Variants in BCOR observed in about 807,000 individuals in gnomAD.
BCOR encodes BCL6 corepressor.
Under a neutral mutation model 86.7 loss-of-function variants are expected in BCOR, and 10 were observed. The ratio of observed to expected loss-of-function variants is 0.12; its 90% CI spans 0.07 to 0.20. The LOEUF (loss-of-function observed/expected upper bound fraction) is 0.20. Ranked by LOEUF, BCOR falls within the 10% of genes least tolerant of loss-of-function variation. BCOR has a pLI of 1.00. For missense variants in BCOR, 1,259 were observed against 1,452.1 expected (o/e 0.87, Z 2.16); for synonymous variants, 611 against 609.0 (o/e 1.00, Z -0.05).
upstream of BCOR, among the ~76,000 whole-genome samples, chrX:40,099,918 G>T (rs769667297): frequency 5.3e-5 from 6 of 112,190 alleles, no homozygotes; most frequent in Non-Finnish European, 3.8e-5. Context: ...ACGCTTCCAG[G>T]ACCAGCGCCT....
At chrX:40,114,878 A>T (rs1602234366) in intron 1 of BCOR, among the ~76,000 whole-genome samples, 1 of 64,965 alleles carries the variant, frequency 1.5e-5, no homozygotes, top group African/African-American at 6.4e-5. Flanking sequence ...TTTGAGTTGG[A>T]GTCTCACTGT....
At chrX:40,092,755 A>G (rs1252420384) in intron 1 of BCOR, among the ~76,000 whole-genome samples, 2 of 112,304 alleles carry the variant, frequency 1.8e-5, no homozygotes, top group Non-Finnish European at 3.8e-5. Flanking sequence ...GAAAGAAACT[A>G]TAACCAGAGA....
chrX:40,070,100 C>T (rs1199390750), intron 6 of BCOR, among the ~76,000 whole-genome samples: 4 of 111,092 alleles, frequency 3.6e-5, no homozygotes, highest in Non-Finnish European at 7.5e-5. Context: ...GTCAAACCTC[C>T]GACGGCCCAT....
chrX:40,153,294 A>AGAC (rs1938209936), intron 1 of BCOR, among the ~76,000 whole-genome samples: 1 of 112,707 alleles, frequency 8.9e-6, no homozygotes, highest in South Asian at 3.6e-4. Context: ...GAGGAAGCAA[A>AGAC]GACCCAGGGG....
chrX:40,111,825 C>T (rs750705309), intron 1 of BCOR, among the ~76,000 whole-genome samples: 14 of 111,761 alleles, frequency 1.3e-4, no homozygotes, highest in Non-Finnish European at 2.6e-4. Context: ...GAACACACTG[C>T]ACAATCTGTT....
rs763357457 is a variant in BCOR at position 40,072,662 on chromosome X, G to C, written c.2684C>G (p.Pro895Arg). ...TGGCTCCAGGAATGGAGTCGAGACTGGCAACCCTAGGTTCTCTTTGTTGGT... is the reference window on the plus strand; with the variant it reads ...TGGCTCCAGGAATGGAGTCGAGACTCGCAACCCTAGGTTCTCTTTGTTGGT... ...AGTNKENLGL[P>R]VSTPFLEPPL... The change falls in exon 4 of 15, where the codon CCA (proline) becomes CGA (arginine). Residue 895 changes from proline to arginine, a missense_variant. Around this residue, in one of 7 missense-constraint regions of BCOR, gnomAD observed 534 missense variants for 594.8 expected, o/e 0.90. Transcript: ENST00000378444. 4 of 1,211,915 alleles carry C rather than the reference G, an allele frequency of 3.3e-6. No individual in the cohort carries two copies. The highest frequency in any genetic ancestry group is 4.5e-6 in the Non-Finnish European group (4 of 895,506).
chrX:40,128,958 C>T (rs1302614504), intron 1 of BCOR, among the ~76,000 whole-genome samples: 2 of 112,082 alleles, frequency 1.8e-5, no homozygotes, highest in Non-Finnish European at 3.8e-5. Context: ...ATATTCAATG[C>T]ATTCCCTTAT....
chrX:40,053,610 A>G (rs1285883059), intron 14 of BCOR, among the ~76,000 whole-genome samples: 2 of 111,809 alleles, frequency 1.8e-5, no homozygotes, highest in Non-Finnish European at 3.8e-5. Flanking sequence ...CCTTCCATAA[A>G]GTTCCAGTCA....
intron 1 of BCOR, among the ~76,000 whole-genome samples, chrX:40,127,701 T>C (rs1208900923): frequency 3.8e-5 from 4 of 104,264 alleles, no homozygotes; most frequent in Non-Finnish European, 7.8e-5. Context: ...TGAGACCCTG[T>C]CTTAAAAAAA....
At chrX:40,066,921 A>AACCCC (rs1935228319) in intron 6 of BCOR, among the ~76,000 whole-genome samples, 2 of 39,367 alleles carry the variant, frequency 5.1e-5, no homozygotes, top group Non-Finnish European at 4.7e-5. Context: ...TCCCAGAGAC[A>AACCCC]CCCCCCCCCC....
Position 40,094,227 on chromosome X carries a change from T to C in BCOR, c.-41+2988A>G, listed in dbSNP as rs370555654. On this transcript the variant is annotated intron_variant, in intron 1 of 14. Coordinates refer to ENST00000378444, the MANE Select transcript of BCOR (RefSeq NM_001123385.2). ...TCGCTCACTCGCAGCTCACAGAGTCTGCTGCCATCTCCGCGCCTCCCCCCC... is the reference window on the plus strand; with the variant it reads ...TCGCTCACTCGCAGCTCACAGAGTCCGCTGCCATCTCCGCGCCTCCCCCCC... 7.3e-4 allele frequency among the ~76,000 whole-genome samples: 82 copies of C among 111,916 alleles called. 1 individual carries two copies. The East Asian group carries it at 0.021, about 28-fold the overall frequency.
chrX:40,105,504 A>C (rs1937161112), intron 1 of BCOR, among the ~76,000 whole-genome samples: 1 of 109,135 alleles, frequency 9.2e-6, no homozygotes, highest in Non-Finnish European at 1.9e-5. Context: ...AGCCGAGAGG[A>C]CCCTTCCTGC....
chrX:40,125,933 CA>C (rs1937532973), intron 1 of BCOR, among the ~76,000 whole-genome samples: 1 of 111,357 alleles, frequency 9.0e-6, no homozygotes, highest in African/African-American at 3.3e-5. Flanking sequence ...GGGAGTCGGC[CA>C]GGCGCGGTGG....
chrX:40,063,012 C>A lies in BCOR; in HGVS notation c.3907G>T (p.Gly1303Cys). Residue 1303 changes from glycine (G) to cysteine (C), a missense_variant, in exon 9 of 15, where the codon GGC (glycine) becomes TGC (cysteine). Gly to Cys is a radical substitution (Grantham distance 159). This residue lies in a region of BCOR where 305 missense variants were observed against 286.1 expected (regional missense o/e 1.07). Coordinates refer to ENST00000378444, the MANE Select transcript of BCOR (RefSeq NM_001123385.2). ...MKSLSSTSAG[G>C]KKQAQPSCAP... is the part of the protein sequence containing the mutation. ...CAGCTTGGCTGAGCCTGCTTTTTGC[C>A]GCCTGCACTGGTGGATGAAAGACTC... The A allele has an allele frequency of 8.5e-7, 1 of 1,174,420 alleles. No individual in the cohort carries two copies. The highest frequency in any genetic ancestry group is 1.1e-6 in the Non-Finnish European group (1 of 876,797).
At chrX:40,066,932 C>CG (rs1312083929) in intron 6 of BCOR, among the ~76,000 whole-genome samples, 5 of 96,357 alleles carry the variant, frequency 5.2e-5, no homozygotes, top group South Asian at 6.0e-4. Context: ...CCCCCCCCCC[C>CG]CCATCAAATC....
chrX:40,106,499 C>T (rs981367075), intron 1 of BCOR, among the ~76,000 whole-genome samples: 1 of 111,072 alleles, frequency 9.0e-6, no homozygotes, highest in Non-Finnish European at 1.9e-5. Context: ...GACGACTCGG[C>T]GGGTGACACG....
rs1007525616 is a variant in BCOR, at chrX:40,071,821, A to G, written c.2998-131T>C. On this transcript the variant is annotated intron_variant, in intron 4 of 14. Transcript: ENST00000378444. ...TTCATCTTTTAATTAAAAGTAAAAT[A>G]TCTTAAGGAAATTCCTATACAACAT... 6.1e-6 allele frequency: 3 copies of G among 490,432 alleles called. No homozygotes were observed. The African/African-American group carries it at 7.1e-5, about 12-fold the overall frequency. The allele number at this position is 490,432 out of a possible 1,213,427, so 40.4% of individuals were successfully genotyped here.
intron 1 of BCOR, among the ~76,000 whole-genome samples, chrX:40,112,972 T>G (rs934763726): frequency 9.5e-5 from 10 of 105,583 alleles, no homozygotes; most frequent in Non-Finnish European, 1.5e-4. Flanking sequence ...CCCCCTCACC[T>G]TCCTCCAGTC....
chrX:40,140,875 CAAAGTT>C (rs1235813739), intron 1 of BCOR, among the ~76,000 whole-genome samples: 1 of 113,123 alleles, frequency 8.8e-6, no homozygotes, highest in African/African-American at 3.2e-5. Flanking sequence ...TTCTGTTGCA[CAAAGTT>C]AAACAGTGAC....
Sources: allele counts gnomAD v4.1 joint callset (sites outside exome capture counted in the v4.1 genomes callset), GRCh38; gene constraint gnomAD v4.1.1; regional missense constraint gnomAD v4.1.1; transcripts MANE v1.5; gene names NCBI Gene and HGNC (gene_info 2026-07-23, HGNC 2026-07-21).